The following TNNT1 variants were observed in gnomAD, a reference collection of about 807,000 sequenced individuals.
TNNT1 encodes troponin T, slow skeletal muscle.
TNNT1 carries 53 observed loss-of-function variants against 50.6 expected under a neutral mutation model. The ratio of observed to expected loss-of-function variants is 1.05; its 90% CI spans 0.84 to 1.32. The LOEUF is 1.32. TNNT1 is among the 40% of genes most tolerant of loss of function. The pLI is 0.00. For synonymous variants in TNNT1, 142 were observed against 138.0 expected, an observed-to-expected ratio of 1.03 and a Z score of -0.20; for missense variants, 348 against 381.7, an observed-to-expected ratio of 0.91 and a Z score of 0.74.
intron 9 of TNNT1, among the ~76,000 whole-genome samples, chr19:55,138,835 G>C (rs1422771580): frequency 2.0e-5 from 3 of 152,148 alleles, no homozygotes; most frequent in African/African-American, 7.2e-5. Flanking sequence ...TGATGGCCTT[G>C]AGCCTGAGGA....
At chr19:55,141,544 C>G (rs903966266) in intron 7 of TNNT1, among the ~76,000 whole-genome samples, 1 of 148,826 alleles carries the variant, frequency 6.7e-6, no homozygotes, top group African/African-American at 2.5e-5. Flanking sequence ...AGTGAAATGG[C>G]GCGATCTCGG....
intron 1 of TNNT1, 158 bp from the exon 2 acceptor site, chr19:55,147,326 G>A: frequency 3.1e-6 from 2 of 653,384 alleles, no homozygotes; most frequent in African/African-American, 2.4e-5. Flanking sequence ...TCCTGGGTGT[G>A]AGAGAGGAGG....
At chr19:55,138,368 C>G (rs2085392758) in intron 9 of TNNT1, among the ~76,000 whole-genome samples, 1 of 151,934 alleles carries the variant, frequency 6.6e-6, no homozygotes, top group African/African-American at 2.4e-5. Flanking sequence ...ACCTCCGCCT[C>G]CCGGGTTTAA....
Position 55,137,099 on chromosome 19 carries a change from CTACCGGAGCTGTT to C in TNNT1, c.602_611+3del. 1 of 1,593,138 alleles carries C rather than the reference CTACCGGAGCTGTT, an allele frequency of 6.3e-7. No homozygotes were observed. Among genetic ancestry groups the C allele is most frequent in the South Asian group, 1.1e-5 (1 of 90,622 alleles). ...CTACACCCCGAGCCCCCCACAGCAC[CTACCGGAGCTGTT>C]CCTCCCCCATGTAGTCAATGTCCAG... On this transcript the variant is annotated splice_donor_variant and splice_donor_region_variant and coding_sequence_variant and intron_variant, in exon 11 of 14. Transcript: ENST00000588981. LOFTEE classifies it high-confidence loss of function.
chr19:55,134,398 G>T (rs906572947), intron 11 of TNNT1, among the ~76,000 whole-genome samples, 194 bp from the exon 12 acceptor site: 4 of 151,978 alleles, frequency 2.6e-5, no homozygotes, highest in Non-Finnish European at 5.9e-5. Context: ...AGAGAAGGGT[G>T]TCATGATTAA....
rs9636153 is a variant in TNNT1, at chr19:55,149,169, T to C, written c.-20A>G. The C allele has an allele frequency of 0.86, 391,255 of 456,052 alleles. 168,381 individuals carry two copies. Among genetic ancestry groups the C allele is most frequent in the Admixed American group, 0.89 (37,961 of 42,546 alleles). The allele number at this position is 456,052 out of a possible 1,614,324, so 28.3% of individuals were successfully genotyped here. A position where few individuals can be genotyped will look rare whatever the true frequency, so the allele number is the denominator to read the frequency against. ...TCCGCAGAGCCCCTTACCTAGGCTG[T>C]GTCTGAGATGCTGTGAATCTTGAGG... is the stretch of plus-strand genomic sequence containing the variant. On this transcript the variant is annotated 5_prime_UTR_variant, in exon 1 of 14. Transcript: ENST00000588981.
intron 10 of TNNT1, 141 bp downstream of exon 10, chr19:55,137,820 C>A (rs1350838634): frequency 1.1e-5 from 12 of 1,048,184 alleles, no homozygotes; most frequent in Admixed American, 4.0e-5. Flanking sequence ...TCCCTCAGAC[C>A]CAGGAGTTCA....
chr19:55,145,141 A>G (rs2085524326), intron 6 of TNNT1, among the ~76,000 whole-genome samples: 1 of 148,502 alleles, frequency 6.7e-6, no homozygotes, highest in Non-Finnish European at 1.5e-5. Context: ...AAAAAGAAAA[A>G]AAAAAAAAAA....
intron 6 of TNNT1, among the ~76,000 whole-genome samples, chr19:55,143,837 C>T (rs2085500452): frequency 6.6e-6 from 1 of 152,172 alleles, no homozygotes; most frequent in African/African-American, 2.4e-5. Flanking sequence ...AAGCCCCAGA[C>T]TCAAGCTAAC....
Position 55,134,101 on chromosome 19 carries a change from C to T in TNNT1, c.715G>A (p.Asp239Asn), listed in dbSNP as rs772697927. 3 of 1,612,758 alleles carry T rather than the reference C, an allele frequency of 1.9e-6. No individual in the cohort carries two copies. Among genetic ancestry groups the T allele is most frequent in the South Asian group, 2.2e-5 (2 of 90,792 alleles). Residue 239 changes from aspartate to asparagine, a missense_variant, in exon 12 of 14, where the codon GAC becomes AAC. Transcript: ENST00000588981. The part of the protein sequence containing the change: ...WIHQLESEKF[D>N]LMAKLKQQKY... ...TGCTGTTTCAGCTTCGCCATCAGGTCGAACTTCTCAGACTCCAGCTGGTGG... is the reference window on the plus strand; with the variant it reads ...TGCTGTTTCAGCTTCGCCATCAGGTTGAACTTCTCAGACTCCAGCTGGTGG...
chr19:55,143,201 T>C (rs2085490939), intron 6 of TNNT1, among the ~76,000 whole-genome samples: 1 of 150,548 alleles, frequency 6.6e-6, no homozygotes, highest in South Asian at 2.1e-4. Context: ...CGTTTCACTA[T>C]GTTGTCCAGG....
At position 55,134,208 on chromosome 19, in the gene TNNT1, G is replaced by C. The variant is rs201907144; in HGVS notation, c.612-4C>G. 4.5e-6 allele frequency: 7 copies of C among 1,565,566 alleles called. No individual in the cohort carries two copies. The highest frequency in any genetic ancestry group is 6.1e-6 in the Non-Finnish European group (7 of 1,155,036). On this transcript the variant is annotated splice_region_variant and splice_polypyrimidine_tract_variant and intron_variant, in intron 11 of 13. Transcript: ENST00000588981. ...AGGCAGCCAGGCAGACCGGGCCCTA[G>C]GCCCAGGGACGGAGAGGAACTTGGG... is the stretch of plus-strand genomic sequence containing the variant.
At chr19:55,137,851 C>T in intron 10 of TNNT1, 110 bp downstream of exon 10, 1 of 1,387,794 alleles carries the variant, frequency 7.2e-7, no homozygotes, top group South Asian at 1.2e-5. Context: ...CCTCCTCCCT[C>T]AGACCCAGGA....
At chr19:55,141,324 C>A (rs201286807) in intron 7 of TNNT1, 22 bp from the exon 8 acceptor site, 2 of 1,599,948 alleles carry the variant, frequency 1.3e-6, no homozygotes. Flanking sequence ...ACGGGCAGCC[C>A]GTCCTAGGAG....
intron 3 of TNNT1, 121 bp downstream of exon 3, chr19:55,146,887 C>T: frequency 7.5e-7 from 1 of 1,342,094 alleles, no homozygotes; most frequent in Non-Finnish European, 1.0e-6. Flanking sequence ...CCGGAGAGGG[C>T]GGGCGAGGGC....
chr19:55,139,732 T>C (rs1206432568), intron 9 of TNNT1, among the ~76,000 whole-genome samples: 1 of 151,966 alleles, frequency 6.6e-6, no homozygotes, highest in African/African-American at 2.4e-5. Flanking sequence ...CTCGGGAGGC[T>C]GAGGCAGGAG....
chr19:55,133,152 G>A (rs1267412135), intron 13 of TNNT1, among the ~76,000 whole-genome samples, 192 bp from the exon 14 acceptor site: 3 of 152,000 alleles, frequency 2.0e-5, no homozygotes, highest in South Asian at 2.1e-4. Flanking sequence ...TCAAAGCCTC[G>A]CTGACATGTG....
chr19:55,146,922 C>A, intron 3 of TNNT1, 86 bp downstream of exon 3: 2 of 1,477,334 alleles, frequency 1.4e-6, no homozygotes, highest in East Asian at 2.4e-5. Context: ...GCCCCTTCCC[C>A]GCCAAAGTGC....
chr19:55,133,542 G>A lies in TNNT1; in HGVS notation c.791+345C>T, dbSNP rs899131285. ...AAAATACAAAAATTAGCCACGCTTGGTGGCGCGCACCTGTAATCCCAGCTA... is the reference window on the plus strand; with the variant it reads ...AAAATACAAAAATTAGCCACGCTTGATGGCGCGCACCTGTAATCCCAGCTA... On this transcript the variant is annotated intron_variant, in intron 13 of 13. Coordinates refer to ENST00000588981, the MANE Select transcript of TNNT1 (RefSeq NM_003283.6). 2.0e-4 allele frequency: 79 copies of A among 391,678 alleles called. 2 individuals carry two copies. The highest frequency in any genetic ancestry group is 4.2e-5 in the Admixed American group (1 of 23,842). The allele number at this position is 391,678 out of a possible 1,614,324, so 24.3% of individuals were successfully genotyped here. A position where few individuals can be genotyped will look rare whatever the true frequency, so the allele number is the denominator to read the frequency against.
Sources: allele counts gnomAD v4.1 joint callset (sites outside exome capture counted in the v4.1 genomes callset), GRCh38; gene constraint gnomAD v4.1.1; transcripts MANE v1.5; gene names NCBI Gene and HGNC (gene_info 2026-07-23, HGNC 2026-07-21).